Variants in LANCL2 observed in about 807,000 individuals in gnomAD.
LANCL2 encodes LanC like glutathione S-transferase 2, also known as lanC-like protein 2.
LANCL2 carries 33 observed loss-of-function variants against 56.9 expected under a neutral mutation model. The observed-to-expected ratio is 0.58, with a 90% CI of 0.44 to 0.78. LANCL2 has a LOEUF of 0.78. LANCL2 is among the 30% of genes least tolerant of loss of function. LANCL2 has a pLI of 0.00. For missense variants in LANCL2, 562 were observed against 580.2 expected, an observed-to-expected ratio of 0.97 and a Z score of 0.32; for synonymous variants, 233 against 228.2, an observed-to-expected ratio of 1.02 and a Z score of -0.19.
intron 6 of LANCL2, among the ~76,000 whole-genome samples, chr7:55,417,452 A>C (rs1309189652): frequency 2.0e-5 from 3 of 152,190 alleles, no homozygotes; most frequent in Non-Finnish European, 1.5e-5. Context: ...GTTTACCTAC[A>C]TGATATTACC....
At chr7:55,405,558 T>G (rs925600918) in intron 5 of LANCL2, among the ~76,000 whole-genome samples, 3 of 148,028 alleles carry the variant, frequency 2.0e-5, no homozygotes, top group African/African-American at 7.5e-5. Context: ...TGACACAATC[T>G]CTGCCTACTG....
chr7:55,414,796 A>G (rs960568039), intron 6 of LANCL2, among the ~76,000 whole-genome samples: 2 of 152,006 alleles, frequency 1.3e-5, no homozygotes, highest in East Asian at 1.9e-4. Context: ...CCTGGGCAAC[A>G]TGGCAAAACC....
At chr7:55,374,011 G>A (rs531161769) in intron 1 of LANCL2, among the ~76,000 whole-genome samples, 2 of 152,320 alleles carry the variant, frequency 1.3e-5, no homozygotes, top group South Asian at 2.1e-4. Context: ...TGCAGCAATT[G>A]TTTAATCAAA....
At chr7:55,418,568 T>A (rs984993918) in intron 6 of LANCL2, among the ~76,000 whole-genome samples, 1 of 152,230 alleles carries the variant, frequency 6.6e-6, no homozygotes, top group African/African-American at 2.4e-5. Context: ...TAGGATTTTC[T>A]GTGTACACAT....
intron 6 of LANCL2, among the ~76,000 whole-genome samples, chr7:55,417,397 A>G (rs866931176): frequency 1.3e-5 from 2 of 152,250 alleles, no homozygotes; most frequent in Middle Eastern, 3.4e-3. Flanking sequence ...AAATGACCTA[A>G]TAAGCCTGGG....
At chr7:55,366,346 A>G in intron 1 of LANCL2, 117 bp downstream of exon 1, 2 of 873,082 alleles carry the variant, frequency 2.3e-6, no homozygotes, top group Non-Finnish European at 3.4e-6. Flanking sequence ...GCGCGGGATG[A>G]TAGCGCCTAG....
chr7:55,388,563 A>G (rs1282365021), intron 1 of LANCL2, among the ~76,000 whole-genome samples: 1 of 152,198 alleles, frequency 6.6e-6, no homozygotes, highest in Non-Finnish European at 1.5e-5. Flanking sequence ...TGGAGAGGAA[A>G]GAGTTAAGCT....
At chr7:55,411,827 A>G in intron 5 of LANCL2, 80 bp from the exon 6 acceptor site, 1 of 1,302,892 alleles carries the variant, frequency 7.7e-7, no homozygotes, top group Non-Finnish European at 1.1e-6. Context: ...CAGGTAATTG[A>G]TGTTTTGTTA....
intron 1 of LANCL2, among the ~76,000 whole-genome samples, chr7:55,368,258 A>G (rs1789897675): frequency 6.6e-6 from 1 of 152,216 alleles, no homozygotes; most frequent in Non-Finnish European, 1.5e-5. Context: ...TATCTGGATA[A>G]ATGTGATTTT....
intron 1 of LANCL2, among the ~76,000 whole-genome samples, chr7:55,374,822 A>G (rs1789982923): frequency 6.6e-6 from 1 of 152,234 alleles, no homozygotes; most frequent in Non-Finnish European, 1.5e-5. Flanking sequence ...TACAGTTTGC[A>G]AAGTTTGCAC....
intron 6 of LANCL2, among the ~76,000 whole-genome samples, chr7:55,416,977 T>TGTTG (rs1790547739): frequency 7.6e-6 from 1 of 131,014 alleles, no homozygotes; most frequent in African/African-American, 3.1e-5. Flanking sequence ...TGGTTTTTTT[T>TGTTG]TTTTTTTTTT....
rs200863845 is a variant in LANCL2 at position 55,383,840 on chromosome 7, C to A, written c.205-7953C>A. Among the ~76,000 whole-genome samples the A allele has an allele frequency of 2.0e-3, 305 of 151,690 alleles. 3 individuals are homozygous for A. Among genetic ancestry groups the A allele is most frequent in the South Asian group, 8.6e-3 (41 of 4,784 alleles). On this transcript the variant is annotated intron_variant, in intron 1 of 8. Coordinates refer to ENST00000254770, the MANE Select transcript of LANCL2 (RefSeq NM_018697.4). ...CAAGAGAGTGAGACTTCGTCTCTCT[C>A]TATATATATATGTGTAATAAAATAA... is the stretch of plus-strand genomic sequence containing the variant.
chr7:55,394,509 A>G (rs1331431451), intron 2 of LANCL2, among the ~76,000 whole-genome samples: 1 of 152,220 alleles, frequency 6.6e-6, no homozygotes, highest in Non-Finnish European at 1.5e-5. Flanking sequence ...GCAGTGAGCC[A>G]TGATTACACT....
chr7:55,377,160 C>T (rs1324805559), intron 1 of LANCL2, among the ~76,000 whole-genome samples: 3 of 151,940 alleles, frequency 2.0e-5, no homozygotes, highest in African/African-American at 7.3e-5. Flanking sequence ...TTTATTTTTT[C>T]CATATGCAAT....
chr7:55,377,296 CA>C (rs879366683), intron 1 of LANCL2, among the ~76,000 whole-genome samples: 3 of 152,138 alleles, frequency 2.0e-5, no homozygotes, highest in Non-Finnish European at 2.9e-5. Flanking sequence ...TTATACCCCT[CA>C]ATTATTCCTG....
intron 1 of LANCL2, among the ~76,000 whole-genome samples, chr7:55,386,272 A>G (rs1583747225): frequency 6.6e-6 from 1 of 152,272 alleles, no homozygotes; most frequent in South Asian, 2.1e-4. Context: ...ATAAGTGTCC[A>G]TGAAGTCTTT....
chr7:55,413,028 G>A (rs1483835937), intron 6 of LANCL2, among the ~76,000 whole-genome samples: 1 of 152,128 alleles, frequency 6.6e-6, no homozygotes, highest in African/African-American at 2.4e-5. Context: ...GAAATTTTTA[G>A]TCCTCCTACA....
chr7:55,400,137 C>T (rs1790304474), intron 4 of LANCL2, 33 bp downstream of exon 4: 1 of 1,510,350 alleles, frequency 6.6e-7, no homozygotes, highest in Non-Finnish European at 9.0e-7. Flanking sequence ...ATGGGCGTCT[C>T]TACCATTCAA....
At position 55,365,969 on chromosome 7, in the gene LANCL2, A is replaced by T. The variant is rs1341536121; in HGVS notation, c.-57A>T. ...CCTCGGAGGAGGCGGCGGCGGGGCG[A>T]GCTGCAGCGCCGGGACAGGAGGTTT... is the stretch of plus-strand genomic sequence containing the variant. On this transcript the variant is annotated 5_prime_UTR_variant, in exon 1 of 9. Transcript: ENST00000254770. The T allele has an allele frequency of 1.5e-6, 2 of 1,301,480 alleles. No homozygotes were observed. The highest frequency in any genetic ancestry group is 2.0e-6 in the Non-Finnish European group (2 of 993,030). The allele number at this position is 1,301,480 out of a possible 1,614,324, so 80.6% of individuals were successfully genotyped here.
Sources: allele counts gnomAD v4.1 joint callset (sites outside exome capture counted in the v4.1 genomes callset), GRCh38; gene constraint gnomAD v4.1.1; transcripts MANE v1.5; gene names NCBI Gene and HGNC (gene_info 2026-07-23, HGNC 2026-07-21).